Variants in RBFOX2 observed in about 807,000 individuals in gnomAD.
The protein encoded by RBFOX2 is RNA binding protein fox-1 homolog 2.
In RBFOX2, 10 loss-of-function variants were observed where a neutral mutation model predicts 49.1. That is an observed-to-expected ratio of 0.20 (90% CI 0.13 to 0.35). The LOEUF (loss-of-function observed/expected upper bound fraction) is 0.35. RBFOX2 is among the 10% of genes least tolerant of loss of function. The pLI, the probability that RBFOX2 is intolerant of heterozygous loss-of-function variation, is 1.00. For synonymous variants in RBFOX2, 183 were observed against 187.4 expected (o/e 0.98, Z 0.19); for missense variants, 323 against 486.9 (o/e 0.66, Z 3.17).
At chr22:35,774,491 G>C (rs554539532) in intron 4 of RBFOX2, among the ~76,000 whole-genome samples, 1 of 152,198 alleles carries the variant, frequency 6.6e-6, no homozygotes, top group East Asian at 1.9e-4. Context: ...CTTAGATACA[G>C]GTGATTCTAT....
intron 1 of RBFOX2, among the ~76,000 whole-genome samples, chr22:35,933,391 TAAAC>T (rs1161093111): frequency 2.6e-5 from 4 of 152,232 alleles, no homozygotes; most frequent in Non-Finnish European, 5.9e-5. Context: ...CATCAATTAA[TAAAC>T]AAAATAGTAC....
At chr22:35,896,147 TG>T (rs1200160867) in intron 1 of RBFOX2, among the ~76,000 whole-genome samples, 1 of 152,180 alleles carries the variant, frequency 6.6e-6, no homozygotes, top group Admixed American at 6.6e-5. Flanking sequence ...GACTGGTGTT[TG>T]TAACATGGCA....
At chr22:35,803,064 G>A (rs892002408) in intron 2 of RBFOX2, among the ~76,000 whole-genome samples, 3 of 151,692 alleles carry the variant, frequency 2.0e-5, no homozygotes, top group African/African-American at 7.3e-5. Flanking sequence ...AACAACAAAT[G>A]AAAATCAATA....
At chr22:35,967,374 T>C (rs1197282907) in intron 1 of RBFOX2, among the ~76,000 whole-genome samples, 1 of 148,474 alleles carries the variant, frequency 6.7e-6, no homozygotes, top group Non-Finnish European at 1.5e-5. Flanking sequence ...CGAGACCTTG[T>C]CTCAAAATAA....
chr22:35,966,880 A>G (rs536606458), intron 1 of RBFOX2, among the ~76,000 whole-genome samples: 2 of 152,176 alleles, frequency 1.3e-5, no homozygotes, highest in South Asian at 2.1e-4. Context: ...TGGTGCAATC[A>G]TAGCTCACTG....
At chr22:35,841,527 C>T (rs1273849108), upstream of RBFOX2, among the ~76,000 whole-genome samples, 1 of 151,974 alleles carries the variant, frequency 6.6e-6, no homozygotes. Flanking sequence ...TCAAATAAAA[C>T]AATTTATAAA....
intron 5 of RBFOX2, among the ~76,000 whole-genome samples, chr22:35,766,662 A>AAC (rs914623859): frequency 4.6e-5 from 7 of 152,240 alleles, no homozygotes; most frequent in Middle Eastern, 3.4e-3. Flanking sequence ...GCAGTTAAAA[A>AAC]ACACACACAC....
At chr22:35,836,764 C>A (rs1237389188) in intron 1 of RBFOX2, among the ~76,000 whole-genome samples, 1 of 152,228 alleles carries the variant, frequency 6.6e-6, no homozygotes, top group Non-Finnish European at 1.5e-5. Flanking sequence ...GCCTAGTACA[C>A]TTTCCCTTTC....
chr22:35,769,714 T>A (rs1264917243), intron 4 of RBFOX2, among the ~76,000 whole-genome samples: 1 of 152,162 alleles, frequency 6.6e-6, no homozygotes, highest in African/African-American at 2.4e-5. Flanking sequence ...AGCTGCTTAA[T>A]AACATGAGCA....
intron 1 of RBFOX2, among the ~76,000 whole-genome samples, chr22:35,835,652 G>C (rs1412585668): frequency 6.6e-6 from 1 of 152,052 alleles, no homozygotes; most frequent in Non-Finnish European, 1.5e-5. Context: ...GCAAAGCTAA[G>C]GAGAAAGATA....
At position 35,979,186 on chromosome 22, in the gene RBFOX2, A is replaced by T. The variant is rs141143543; in HGVS notation, c.187-40289T>A. ...CTGTCATGAAGAAACAGATGGACCC[A>T]GATCTAGACTCTTCAAAATGTCAAG... On this transcript the variant is annotated intron_variant, in intron 1 of 13. Transcript: ENST00000438146. 8.4e-4 allele frequency among the ~76,000 whole-genome samples: 128 copies of T among 152,352 alleles called. 1 individual carries two copies. In the East Asian group the frequency reaches 0.024, roughly 28 times the overall value.
At chr22:35,781,938 G>A (rs866565007) in intron 2 of RBFOX2, among the ~76,000 whole-genome samples, 192 bp from the exon 4 acceptor site, 3 of 152,146 alleles carry the variant, frequency 2.0e-5, no homozygotes, top group Non-Finnish European at 2.9e-5. Flanking sequence ...AAATGCTACC[G>A]TCTACAAACA....
At chr22:35,849,504 G>T (rs1426945948) in intron 1 of RBFOX2, among the ~76,000 whole-genome samples, 1 of 152,096 alleles carries the variant, frequency 6.6e-6, no homozygotes, top group Non-Finnish European at 1.5e-5. Context: ...AGCCTTGTAG[G>T]CATTTCATTC....
upstream of RBFOX2, chr22:35,840,623 C>CGTGTGTGTGTGTGTGTGTGT (rs1157342118): frequency 9.4e-7 from 1 of 1,067,246 alleles, no homozygotes; most frequent in African/African-American, 1.9e-5. Flanking sequence ...CGCGTGTGTG[C>CGTGTGTGTGTGTGTGTGTGT]GTGTGTGCGT....
chr22:35,945,999 C>CT (rs1037452155), intron 1 of RBFOX2, among the ~76,000 whole-genome samples: 1 of 151,974 alleles, frequency 6.6e-6, no homozygotes, highest in African/African-American at 2.4e-5. Context: ...CCGCTCCCCC[C>CT]TTTTTTTTAA....
In RBFOX2 at chr22:35,925,962, T is replaced by C. The variant is rs138693607; in HGVS notation, c.-34+12885A>G. Among the ~76,000 whole-genome samples, 232 of 152,352 alleles carry C rather than the reference T, an allele frequency of 1.5e-3. 2 individuals are homozygous for C. The highest frequency in any genetic ancestry group is 5.5e-3 in the African/African-American group (228 of 41,590). On this transcript the variant is annotated intron_variant, in intron 1 of 13. Coordinates refer to the RBFOX2 transcript ENST00000359369. ...TTCTAACACAAGATCTTAAGTTACC[T>C]GTTGTATTCCCCTGTCTCTCTAATC...
chr22:35,873,817 CG>C (rs2044670447), intron 1 of RBFOX2, among the ~76,000 whole-genome samples: 1 of 152,214 alleles, frequency 6.6e-6, no homozygotes, highest in South Asian at 2.1e-4. Context: ...GCTGGGATTA[CG>C]GACAGGTGTC....
At chr22:35,751,291 G>A (rs1264400197) in intron 9 of RBFOX2, among the ~76,000 whole-genome samples, 3 of 152,054 alleles carry the variant, frequency 2.0e-5, no homozygotes, top group Non-Finnish European at 2.9e-5. Flanking sequence ...CTTTCTACCC[G>A]GAAGACAATG....
At chr22:35,840,061 A>G (rs1437909600) in intron 1 of RBFOX2, 14 of 1,259,412 alleles carry the variant, frequency 1.1e-5, no homozygotes, top group Non-Finnish European at 1.6e-5. Flanking sequence ...TTTTCAGCTG[A>G]TAACAATAAA....
Sources: gnomAD v4.1 joint callset for allele counts (sites outside exome capture counted in the v4.1 genomes callset) on GRCh38, gnomAD v4.1.1 for gene constraint, MANE v1.5 for transcripts, NCBI Gene and HGNC (gene_info 2026-07-23, HGNC 2026-07-21) for gene names.